CRPPA: variants seen among roughly 807,000 people sequenced by gnomAD.
CRPPA encodes CDP-L-ribitol pyrophosphorylase A.
CRPPA carries 43 observed loss-of-function variants against 52.0 expected under a neutral mutation model. The ratio of observed to expected loss-of-function variants is 0.83; its 90% CI spans 0.65 to 1.07. The LOEUF is 1.07. Ranked by LOEUF, CRPPA falls within the 50% of genes least tolerant of loss-of-function variation. The pLI is 0.00. For synonymous variants in CRPPA, 250 were observed against 203.5 expected (o/e 1.23, Z -1.94); for missense variants, 629 against 551.7 (o/e 1.14, Z -1.40).
At chr7:16,134,679 A>G (rs891839275) in intron 9 of CRPPA, among the ~76,000 whole-genome samples, 1 of 152,228 alleles carries the variant, frequency 6.6e-6, no homozygotes, top group South Asian at 2.1e-4. Flanking sequence ...GTTTCAACAG[A>G]TAAGTAAAAA....
At chr7:16,398,104 G>T (rs940781889) in intron 2 of CRPPA, among the ~76,000 whole-genome samples, 1 of 151,764 alleles carries the variant, frequency 6.6e-6, no homozygotes, top group Admixed American at 6.6e-5. Flanking sequence ...TTATTGACAT[G>T]ACTGACAGGT....
intron 3 of CRPPA, among the ~76,000 whole-genome samples, chr7:16,342,461 C>CTAAAGGAATAGTT (rs1181153978): frequency 6.6e-6 from 1 of 151,784 alleles, no homozygotes; most frequent in East Asian, 1.9e-4. Context: ...GTATTCCCAA[C>CTAAAGGAATAGTT]TAAAGGAAAG....
intron 5 of CRPPA, among the ~76,000 whole-genome samples, chr7:16,286,096 AAATAT>A (rs1784440948): frequency 1.9e-5 from 1 of 53,116 alleles, no homozygotes; most frequent in African/African-American, 1.1e-4. Context: ...TTAAAAAAAA[AAATAT>A]ATATATATAT....
chr7:16,326,013 GA>G (rs1785379342), intron 3 of CRPPA, among the ~76,000 whole-genome samples: 1 of 143,926 alleles, frequency 6.9e-6, no homozygotes, highest in Non-Finnish European at 1.5e-5. Flanking sequence ...TATTAAAAAA[GA>G]TTAGAATGTT....
intron 5 of CRPPA, among the ~76,000 whole-genome samples, chr7:16,299,695 C>T (rs986778555): frequency 7.9e-5 from 12 of 152,146 alleles, no homozygotes; most frequent in African/African-American, 2.7e-4. Flanking sequence ...TCAGATTTAT[C>T]TTTCCTAAGA....
At chr7:16,302,288 T>C (rs1448671142) in intron 4 of CRPPA, among the ~76,000 whole-genome samples, 25 of 108,868 alleles carry the variant, frequency 2.3e-4, no homozygotes, top group African/African-American at 7.7e-4. Context: ...AGAGCGAGAC[T>C]CTGTCTCAAA....
intron 8 of CRPPA, among the ~76,000 whole-genome samples, chr7:16,231,346 T>C (rs1424323311): frequency 6.6e-6 from 1 of 152,208 alleles, no homozygotes; most frequent in Non-Finnish European, 1.5e-5. Context: ...ATGTTTCTGG[T>C]GGTGGGGTGA....
intron 9 of CRPPA, among the ~76,000 whole-genome samples, chr7:16,213,481 G>A (rs1162796873): frequency 6.6e-6 from 1 of 151,910 alleles, no homozygotes; most frequent in African/African-American, 2.4e-5. Context: ...AGGCGCGGTG[G>A]CTCACACCTG....
At chr7:16,383,399 C>T (rs1474448113) in intron 2 of CRPPA, among the ~76,000 whole-genome samples, 1 of 152,146 alleles carries the variant, frequency 6.6e-6, no homozygotes, top group Non-Finnish European at 1.5e-5. Context: ...TCAGACTGCC[C>T]CTACTGGGGG....
At chr7:16,156,372 C>T (rs1472797988) in intron 9 of CRPPA, among the ~76,000 whole-genome samples, 1 of 152,058 alleles carries the variant, frequency 6.6e-6, no homozygotes, top group African/African-American at 2.4e-5. Context: ...AGGGCTGTGC[C>T]AAAGGGTTAA....
At chr7:16,128,700 T>G (rs150281546) in intron 9 of CRPPA, among the ~76,000 whole-genome samples, 1 of 152,108 alleles carries the variant, frequency 6.6e-6, no homozygotes, top group Non-Finnish European at 1.5e-5. Flanking sequence ...GTTGGCCAGA[T>G]GGAAAAATTT....
At chr7:16,346,428 G>C (rs1786015906) in intron 3 of CRPPA, among the ~76,000 whole-genome samples, 1 of 152,088 alleles carries the variant, frequency 6.6e-6, no homozygotes, top group African/African-American at 2.4e-5. Flanking sequence ...TTGAGAAAAA[G>C]ATGCGGTCAG....
chr7:16,349,006 T>A (rs1237224218), intron 3 of CRPPA, among the ~76,000 whole-genome samples: 1 of 152,206 alleles, frequency 6.6e-6, no homozygotes, highest in Non-Finnish European at 1.5e-5. Context: ...GCTATCTCCC[T>A]AGTATCAGAG....
At chr7:16,316,491 T>C (rs1313845541) in intron 3 of CRPPA, among the ~76,000 whole-genome samples, 6 of 152,142 alleles carry the variant, frequency 3.9e-5, no homozygotes, top group African/African-American at 1.2e-4. Context: ...CCTGAACATA[T>C]ATATGGTTTT....
chr7:16,181,508 A>C (rs1369773133), intron 9 of CRPPA, among the ~76,000 whole-genome samples: 1 of 151,996 alleles, frequency 6.6e-6, no homozygotes, highest in Non-Finnish European at 1.5e-5. Flanking sequence ...CTCCAGCTTC[A>C]AGGTATAAAC....
At chr7:16,397,584 C>T (rs549974872) in intron 2 of CRPPA, among the ~76,000 whole-genome samples, 10 of 138,248 alleles carry the variant, frequency 7.2e-5, no homozygotes, top group East Asian at 2.1e-4. Context: ...ACATATGAGA[C>T]GTGACAGATT....
intron 9 of CRPPA, among the ~76,000 whole-genome samples, chr7:16,101,332 CT>C (rs922871988): frequency 2.0e-5 from 3 of 151,982 alleles, no homozygotes; most frequent in African/African-American, 7.2e-5. Flanking sequence ...AATTTCAGAA[CT>C]TGCTACTCAG....
intron 9 of CRPPA, among the ~76,000 whole-genome samples, chr7:16,179,906 C>G (rs1054773600): frequency 1.3e-5 from 2 of 152,040 alleles, no homozygotes; most frequent in Non-Finnish European, 2.9e-5. Flanking sequence ...GCAGGAGCAT[C>G]CATTATATTT....
intron 9 of CRPPA, among the ~76,000 whole-genome samples, chr7:16,163,772 T>C (rs1157238948): frequency 1.3e-5 from 2 of 152,212 alleles, no homozygotes; most frequent in South Asian, 2.1e-4. Flanking sequence ...TCTTCACTTA[T>C]GAAGCTTTGT....
Sources: allele counts gnomAD v4.1 joint callset (sites outside exome capture counted in the v4.1 genomes callset), GRCh38; gene constraint gnomAD v4.1.1; transcripts MANE v1.5; gene names NCBI Gene and HGNC (gene_info 2026-07-23, HGNC 2026-07-21).